VWA2: variants seen among roughly 807,000 people sequenced by gnomAD.
VWA2 encodes von Willebrand factor A domain containing 2.
Under a neutral mutation model 70.4 loss-of-function variants are expected in VWA2, and 73 were observed. The observed-to-expected ratio is 1.04, with a 90% CI of 0.86 to 1.26. The LOEUF is 1.26. Among genes scored for constraint, VWA2 ranks in the 50% most tolerant of loss-of-function variants. The pLI, the probability that VWA2 is intolerant of heterozygous loss-of-function variation, is 0.00. For synonymous variants in VWA2, 407 were observed against 423.3 expected (o/e 0.96, Z 0.47); for missense variants, 1,011 against 998.5 (o/e 1.01, Z -0.17).
At chr10:114,272,101 A>T (rs994923596) in intron 5 of VWA2, among the ~76,000 whole-genome samples, 2 of 152,230 alleles carry the variant, frequency 1.3e-5, no homozygotes, top group Non-Finnish European at 2.9e-5. Flanking sequence ...AACAGTTCCT[A>T]TAACTGAGCT....
In VWA2 at chr10:114,291,758, C is replaced by T. The variant is rs2039622418; in HGVS notation, c.*521C>T. On this transcript the variant is annotated 3_prime_UTR_variant, in exon 14 of 14. Coordinates refer to ENST00000392982, the MANE Select transcript of VWA2 (RefSeq NM_001272046.2). ...CACTTCCCCAGAGACATTCTGGATG[C>T]ATTTGCATTGAGTCTGAAAGGGGGC... Among the ~76,000 whole-genome samples the T allele has an allele frequency of 6.6e-6, 1 of 152,222 alleles. No homozygotes were observed. Among genetic ancestry groups the T allele is most frequent in the South Asian group, 2.1e-4 (1 of 4,828 alleles).
intron 5 of VWA2, among the ~76,000 whole-genome samples, chr10:114,265,603 C>T (rs113314860): frequency 5.2e-4 from 79 of 152,370 alleles, no homozygotes; most frequent in African/African-American, 1.9e-3. Context: ...TCTCACCACG[C>T]TCCCTCTCCC....
chr10:114,252,031 C>A (rs576757576), intron 2 of VWA2, among the ~76,000 whole-genome samples: 1 of 151,938 alleles, frequency 6.6e-6, no homozygotes, highest in Admixed American at 6.6e-5. Flanking sequence ...GTTCTTGAAC[C>A]CCTGACCTCA....
chr10:114,261,631 T>C (rs570886707), intron 5 of VWA2, among the ~76,000 whole-genome samples: 1 of 152,342 alleles, frequency 6.6e-6, no homozygotes, highest in East Asian at 1.9e-4. Flanking sequence ...CCCATTTCTG[T>C]CCCTTGTGAC....
At position 114,278,837 on chromosome 10, in the gene VWA2, C is replaced by A; in HGVS notation, c.819C>A (p.His273Gln). ...SRRTLAVLAAHCPFYSWKRVF... is the reference protein window; with the variant it reads ...SRRTLAVLAAQCPFYSWKRVF... ...GGACCCTTGCGGTGCTGGCTGCACA[C>A]TGTCCCTTCTACAGGTTTGTCTGCG... The change falls in exon 8 of 14, where the codon CAC (histidine) becomes CAA (glutamine). Residue 273 changes from histidine (H) to glutamine (Q), a missense_variant. Coordinates refer to ENST00000392982, the MANE Select transcript of VWA2 (RefSeq NM_001272046.2). 1 of 1,613,124 alleles carries A rather than the reference C, an allele frequency of 6.2e-7. No individual in the cohort carries two copies. Among genetic ancestry groups the A allele is most frequent in the Non-Finnish European group, 8.5e-7 (1 of 1,180,034 alleles).
In VWA2 at chr10:114,291,276, C is replaced by T. The variant is rs1037934889; in HGVS notation, c.*39C>T. The T allele has an allele frequency of 6.5e-7, 1 of 1,542,696 alleles. No individual in the cohort carries two copies. The highest frequency in any genetic ancestry group is 1.4e-5 in the African/African-American group (1 of 72,812). Reference sequence around the variant, plus strand: ...CGTGCAGGAGGGCAGCAGCCGTACCCCTCCCAGCAACTACAGAGAAGGCCT... The same window carrying T: ...CGTGCAGGAGGGCAGCAGCCGTACCTCTCCCAGCAACTACAGAGAAGGCCT... On this transcript the variant is annotated 3_prime_UTR_variant, in exon 14 of 14. Coordinates refer to ENST00000392982, the MANE Select transcript of VWA2 (RefSeq NM_001272046.2).
chr10:114,286,229 G>T lies in VWA2; in HGVS notation c.1288G>T (p.Ala430Ser). 9 of 1,613,358 alleles carry T rather than the reference G, an allele frequency of 5.6e-6. No homozygotes were observed. The highest frequency in any genetic ancestry group is 6.8e-6 in the Non-Finnish European group (8 of 1,179,778). The change falls in exon 11 of 14, where the codon GCA becomes TCA. Residue 430 changes from alanine to serine, a missense_variant. By Grantham distance (99) the Ala-to-Ser change is moderately conservative. Transcript: ENST00000392982. ...TLTGSALRQA[A>S]ERGFGSATRT... is the part of the protein sequence containing the mutation. The stretch of plus-strand genomic sequence containing the variant: ...GACGGGCAGTGCCTTGCGGCAGGCG[G>T]CAGAGCGTGGCTTCGGGAGCGCCAC...
At chr10:114,279,211 G>A (rs1490967449) in intron 8 of VWA2, among the ~76,000 whole-genome samples, 2 of 152,188 alleles carry the variant, frequency 1.3e-5, no homozygotes, top group African/African-American at 4.8e-5. Context: ...TGGGGGCTGA[G>A]TGAGGCAAGA....
intron 1 of VWA2, among the ~76,000 whole-genome samples, chr10:114,243,410 G>A (rs773179866): frequency 3.3e-5 from 5 of 152,118 alleles, no homozygotes; most frequent in Non-Finnish European, 7.4e-5. Flanking sequence ...ATCTACCTCC[G>A]TTGACACTCT....
rs747149247 is a variant in VWA2, at chr10:114,286,482, A to G, written c.1541A>G (p.Gln514Arg). Residue 514 changes from glutamine (Q) to arginine (R), a missense_variant, in exon 11 of 14, where the codon CAG (glutamine) becomes CGG (arginine). Gln to Arg is a conservative substitution (Grantham distance 43, BLOSUM62 1). Transcript: ENST00000392982. Reference protein sequence around the residue: ...QDLFNQIPELQGKLCSRQRPG... With the variant: ...QDLFNQIPELRGKLCSRQRPG... The stretch of plus-strand genomic sequence containing the variant: ...CTGTTCAACCAAATCCCTGAGCTGC[A>G]GGGGAAGCTGTGCAGCCGGCAGCGG... 1 of 1,589,648 alleles carries G rather than the reference A, an allele frequency of 6.3e-7. No individual in the cohort carries two copies. The highest frequency in any genetic ancestry group is 1.1e-5 in the South Asian group (1 of 89,218).
chr10:114,291,222 C>T lies in VWA2; in HGVS notation c.2253C>T (p.Phe751=). 1 of 1,550,580 alleles carries T rather than the reference C, an allele frequency of 6.4e-7. No homozygotes were observed. Among genetic ancestry groups the T allele is most frequent in the Non-Finnish European group, 8.7e-7 (1 of 1,146,976 alleles). Reference sequence around the variant, plus strand: ...AGACTTCACTTCCTTCCCCAGGATTCTTGAGACGCCCCTGAGGCACATGGC... The same window carrying T: ...AGACTTCACTTCCTTCCCCAGGATTTTTGAGACGCCCCTGAGGCACATGGC... ...GWEGPHCENR[F]LRRP is the part of the protein sequence containing the mutation. Residue 751 remains phenylalanine, a synonymous_variant, in exon 14 of 14, where the codon TTC becomes TTT. Coordinates refer to ENST00000392982, the MANE Select transcript of VWA2 (RefSeq NM_001272046.2).
intron 1 of VWA2, among the ~76,000 whole-genome samples, chr10:114,243,708 C>T (rs1451275837): frequency 6.6e-6 from 1 of 152,214 alleles, no homozygotes; most frequent in Non-Finnish European, 1.5e-5. Context: ...TGCAAAACTG[C>T]CTTCAGCGAT....
chr10:114,272,301 GA>G (rs2133361924), intron 5 of VWA2, among the ~76,000 whole-genome samples: 1 of 152,294 alleles, frequency 6.6e-6, no homozygotes, highest in African/African-American at 2.4e-5. Flanking sequence ...CCCTTGCCTT[GA>G]AGCCCTGTCC....
chr10:114,259,034 C>G (rs2037387499), intron 4 of VWA2, among the ~76,000 whole-genome samples: 2 of 152,156 alleles, frequency 1.3e-5, no homozygotes. Flanking sequence ...TCATTTCACA[C>G]ATACGAGTAG....
chr10:114,264,167 C>T (rs572353686), intron 5 of VWA2, among the ~76,000 whole-genome samples: 16 of 152,330 alleles, frequency 1.1e-4, no homozygotes, highest in Admixed American at 2.6e-4. Flanking sequence ...GTTAAAAACA[C>T]GTGCACACGA....
At chr10:114,248,808 A>T (rs1462226878) in intron 2 of VWA2, 43 bp downstream of exon 2, 1 of 1,571,286 alleles carries the variant, frequency 6.4e-7, no homozygotes, top group Non-Finnish European at 8.8e-7. Context: ...TGGCGTGTTG[A>T]GTAGGGGGGT....
intron 4 of VWA2, 76 bp downstream of exon 4, chr10:114,255,124 G>A: frequency 6.4e-7 from 1 of 1,568,722 alleles, no homozygotes; most frequent in South Asian, 1.1e-5. Context: ...CTCAAGCAGA[G>A]GAGGCATCTA....
At chr10:114,288,689 A>G (rs1484854684) in intron 11 of VWA2, among the ~76,000 whole-genome samples, 1 of 152,202 alleles carries the variant, frequency 6.6e-6, no homozygotes, top group Non-Finnish European at 1.5e-5. Flanking sequence ...CGTCAGATAG[A>G]ACTTAGACAC....
At chr10:114,257,132 C>T (rs2037348265) in intron 4 of VWA2, among the ~76,000 whole-genome samples, 1 of 152,036 alleles carries the variant, frequency 6.6e-6, no homozygotes, top group South Asian at 2.1e-4. Flanking sequence ...GGAGCTGGAG[C>T]ACACTTCCTG....
Sources: gnomAD v4.1 joint callset for allele counts (sites outside exome capture counted in the v4.1 genomes callset) on GRCh38, gnomAD v4.1.1 for gene constraint, MANE v1.5 for transcripts, NCBI Gene and HGNC (gene_info 2026-07-23, HGNC 2026-07-21) for gene names.